The following KYAT1 variants were observed in gnomAD, a reference collection of about 807,000 sequenced individuals.
KYAT1 encodes the protein kynurenine--oxoglutarate transaminase 1.
KYAT1 carries 47 observed loss-of-function variants against 52.4 expected under a neutral mutation model. That is an observed-to-expected ratio of 0.90 (90% CI 0.71 to 1.14). The LOEUF (loss-of-function observed/expected upper bound fraction) is 1.14, where lower values mean the gene tolerates loss of function less well. Among genes scored for constraint, KYAT1 ranks in the 50% most tolerant of loss-of-function variants. The probability of loss-of-function intolerance (pLI) is 0.00; values close to 1 mark genes in which losing one functional copy is unlikely to be tolerated. For missense variants in KYAT1, 480 were observed against 557.9 expected, an observed-to-expected ratio of 0.86 and a Z score of 1.41; for synonymous variants, 212 against 209.6, an observed-to-expected ratio of 1.01 and a Z score of -0.10.
intron 1 of KYAT1, among the ~76,000 whole-genome samples, chr9:128,878,855 GCAGATAGC>G (rs1838393347): frequency 1.3e-5 from 2 of 152,140 alleles, no homozygotes; most frequent in South Asian, 4.1e-4. Context: ...CAACAGATAG[GCAGATAGC>G]CTCGCGGGAG....
At chr9:128,873,468 A>G (rs181529281) in intron 1 of KYAT1, among the ~76,000 whole-genome samples, 2 of 152,040 alleles carry the variant, frequency 1.3e-5, no homozygotes, top group African/African-American at 4.8e-5. Flanking sequence ...CAAGGAAAAA[A>G]TTTTATTGCA....
At chr9:128,847,373 G>A in intron 1 of KYAT1, 1 of 1,197,248 alleles carries the variant, frequency 8.4e-7, no homozygotes, top group Non-Finnish European at 1.2e-6. Context: ...CCAGGAACGA[G>A]CCAGACCCCA....
intron 1 of KYAT1, among the ~76,000 whole-genome samples, chr9:128,873,164 T>A (rs1837484548): frequency 1.3e-5 from 2 of 151,412 alleles, no homozygotes; most frequent in Admixed American, 6.6e-5. Flanking sequence ...TAATAATAAT[T>A]AATAAGACAA....
At chr9:128,835,279 A>AC in intron 11 of KYAT1, 44 bp downstream of exon 11, 1 of 1,536,962 alleles carries the variant, frequency 6.5e-7, no homozygotes, top group Non-Finnish European at 9.0e-7. Flanking sequence ...GCAGCACACA[A>AC]CCTGTGAAAC....
chr9:128,842,610 C>T (rs1289358248), intron 3 of KYAT1, 44 bp downstream of exon 3: 9 of 1,595,426 alleles, frequency 5.6e-6, no homozygotes, highest in Non-Finnish European at 6.9e-6. Context: ...AAAGCCCTGT[C>T]CCCTTCCTCC....
chr9:128,833,528 C>A lies in KYAT1; in HGVS notation c.*56G>T, dbSNP rs1047271804. 6.5e-7 allele frequency: 1 copy of A among 1,543,928 alleles called. No individual in the cohort carries two copies. The highest frequency in any genetic ancestry group is 1.7e-5 in the Admixed American group (1 of 59,872). ...TGAAACCTGGACAAAGACAGACACT[C>A]AAAGAGGATCTCTGCGGGCATGTGG... On this transcript the variant is annotated 3_prime_UTR_variant, in exon 13 of 13. Transcript: ENST00000302586.
chr9:128,835,349 A>C lies in KYAT1; in HGVS notation c.1096T>G (p.Phe366Val). 1 of 1,613,898 alleles carries C rather than the reference A, an allele frequency of 6.2e-7. No homozygotes were observed. The highest frequency in any genetic ancestry group is 8.5e-7 in the Non-Finnish European group (1 of 1,179,990). Reference sequence around the variant, plus strand: ...TTGTTCTTGATCATCCACTTGACGAAGCGTCTGTCATAGGGCTCATCCACA... The same window carrying C: ...TTGTTCTTGATCATCCACTTGACGACGCGTCTGTCATAGGGCTCATCCACA... The part of the protein sequence containing the change: ...GAVDEPYDRR[F>V]VKWMIKNKGL... Residue 366 changes from phenylalanine (F) to valine (V), a missense_variant, in exon 11 of 13, where the codon TTC (phenylalanine) becomes GTC (valine). Transcript: ENST00000302586.
At chr9:128,839,152 C>T (rs1380955484) in intron 3 of KYAT1, among the ~76,000 whole-genome samples, 6 of 151,830 alleles carry the variant, frequency 4.0e-5, no homozygotes, top group East Asian at 1.9e-4. Flanking sequence ...TTAGTGGAGA[C>T]GGGGTTTCAC....
Position 128,865,835 on chromosome 9 carries a change from C to T in KYAT1, c.-7+16062G>A, listed in dbSNP as rs549467017. On this transcript the variant is annotated intron_variant, in intron 1 of 12. Coordinates refer to ENST00000302586, the MANE Select transcript of KYAT1 (RefSeq NM_004059.5). ...ACTGACCCACCCAGATTTCCCAGGA[C>T]CAGGTTAGCGAAGTCCCAGTCCTGA... is the stretch of plus-strand genomic sequence containing the variant. Among the ~76,000 whole-genome samples the T allele has an allele frequency of 3.9e-5, 6 of 152,232 alleles. No homozygotes were observed. The South Asian group carries it at 1.2e-3, about 32-fold the overall frequency.
intron 1 of KYAT1, among the ~76,000 whole-genome samples, chr9:128,850,847 G>A (rs1833865806): frequency 6.6e-6 from 1 of 152,200 alleles, no homozygotes; most frequent in Non-Finnish European, 1.5e-5. Context: ...GAGACACATT[G>A]GCAGCAATGC....
intron 1 of KYAT1, among the ~76,000 whole-genome samples, chr9:128,857,407 G>A (rs908219394): frequency 9.9e-5 from 15 of 152,086 alleles, no homozygotes; most frequent in South Asian, 2.1e-4. Flanking sequence ...TCAGTCTCTC[G>A]TCCCACCTGA....
chr9:128,856,778 C>T lies in KYAT1; in HGVS notation c.-6-11367G>A, dbSNP rs375282510. Among the ~76,000 whole-genome samples the T allele has an allele frequency of 4.6e-5, 7 of 152,372 alleles. No homozygotes were observed. The South Asian group carries it at 6.2e-4, about 14-fold the overall frequency. Reference sequence around the variant, plus strand: ...CTGCGGAAAGCCGCACGGACCTCTGCCTTGGAAAGCCACGTATTGTCCAAG... The same window carrying T: ...CTGCGGAAAGCCGCACGGACCTCTGTCTTGGAAAGCCACGTATTGTCCAAG... On this transcript the variant is annotated intron_variant, in intron 1 of 12. Transcript: ENST00000302586.
chr9:128,878,856 CAGAT>C (rs1838393749), intron 1 of KYAT1, among the ~76,000 whole-genome samples: 1 of 152,168 alleles, frequency 6.6e-6, no homozygotes, highest in Admixed American at 6.5e-5. Context: ...AACAGATAGG[CAGAT>C]AGCCTCGCGG....
In KYAT1 at chr9:128,847,645, T is replaced by TAACAAC. The variant is rs200864772; in HGVS notation, c.-6-2235_-6-2234insGTTGTT. 42 of 574,288 alleles carry TAACAAC rather than the reference T, an allele frequency of 7.3e-5. 1 individual carries two copies. In the East Asian group the frequency reaches 1.0e-3, roughly 14 times the overall value. The allele number at this position is 574,288 out of a possible 1,614,324, so 35.6% of individuals were successfully genotyped here. A position where few individuals can be genotyped will look rare whatever the true frequency, so the allele number is the denominator to read the frequency against. ...GACTTGGGTCCCCCACACACAGCTC[T>TAACAAC]AACAATAACAACAACAACAACAACA... On this transcript the variant is annotated intron_variant, in intron 1 of 12. Coordinates refer to ENST00000302586, the MANE Select transcript of KYAT1 (RefSeq NM_004059.5).
chr9:128,840,224 C>T (rs1185957121), intron 3 of KYAT1, among the ~76,000 whole-genome samples: 1 of 151,700 alleles, frequency 6.6e-6, no homozygotes, highest in Non-Finnish European at 1.5e-5. Flanking sequence ...ATTGCTTGAG[C>T]CCAGGAGTTT....
intron 1 of KYAT1, among the ~76,000 whole-genome samples, chr9:128,858,222 C>A (rs1834940627): frequency 6.7e-6 from 1 of 150,224 alleles, no homozygotes; most frequent in Non-Finnish European, 1.5e-5. Context: ...CACGACAAAA[C>A]CCCATCTCTA....
At chr9:128,870,907 T>C (rs1268347823) in intron 1 of KYAT1, among the ~76,000 whole-genome samples, 1 of 151,378 alleles carries the variant, frequency 6.6e-6, no homozygotes, top group Non-Finnish European at 1.5e-5. Context: ...ATTGTATACC[T>C]TAAAATAGTT....
chr9:128,857,760 C>G (rs1390566203), intron 1 of KYAT1, among the ~76,000 whole-genome samples: 2 of 152,124 alleles, frequency 1.3e-5, no homozygotes, highest in Admixed American at 1.3e-4. Context: ...GGCGTGAACC[C>G]GGGAGGCGGA....
At chr9:128,871,611 C>T (rs1308164023) in intron 1 of KYAT1, among the ~76,000 whole-genome samples, 1 of 151,962 alleles carries the variant, frequency 6.6e-6, no homozygotes, top group Non-Finnish European at 1.5e-5. Context: ...ACTCAGGAGG[C>T]TCAGCTGGGA....
Sources: gnomAD v4.1 joint callset for allele counts (sites outside exome capture counted in the v4.1 genomes callset) on GRCh38, gnomAD v4.1.1 for gene constraint, MANE v1.5 for transcripts, NCBI Gene and HGNC (gene_info 2026-07-23, HGNC 2026-07-21) for gene names.